The following MSRA variants were observed in gnomAD, a reference collection of about 807,000 sequenced individuals.
MSRA encodes mitochondrial peptide methionine sulfoxide reductase.
In MSRA, 54 loss-of-function variants were observed where a neutral mutation model predicts 31.3. That is an observed-to-expected ratio of 1.73 (90% CI 1.39 to 2.17). The LOEUF (loss-of-function observed/expected upper bound fraction) is 2.17, where lower values mean the gene tolerates loss of function less well. Among genes scored for constraint, MSRA ranks in the 30% most tolerant of loss-of-function variants. The pLI, the probability that MSRA is intolerant of heterozygous loss-of-function variation, is 0.00. For missense variants in MSRA, 507 were observed against 300.9 expected (o/e 1.69, Z -5.07); for synonymous variants, 169 against 116.5 (o/e 1.45, Z -2.90).
At chr8:10,111,888 T>C (rs1800316701) in intron 1 of MSRA, among the ~76,000 whole-genome samples, 1 of 152,152 alleles carries the variant, frequency 6.6e-6, no homozygotes, top group East Asian at 1.9e-4. Context: ...CGGAGGAGGA[T>C]GGTGACACTC....
intron 5 of MSRA, chr8:10,326,667 G>C (rs1468602277): frequency 6.6e-6 from 1 of 151,900 alleles, no homozygotes; most frequent in Non-Finnish European, 1.5e-5. Context: ...TCAAGGAGAA[G>C]ACTTGATAAT....
At chr8:10,317,208 G>A (rs10097184) in intron 4 of MSRA, among the ~76,000 whole-genome samples, 24,128 of 152,136 alleles carry the variant, frequency 0.16, 2,326 homozygotes, top group African/African-American at 0.26. Context: ...GATGTTCACT[G>A]TCAGCCGGTA....
chr8:10,131,748 C>A (rs1049271730), intron 1 of MSRA, among the ~76,000 whole-genome samples: 1 of 152,328 alleles, frequency 6.6e-6, no homozygotes, highest in East Asian at 1.9e-4. Flanking sequence ...CAGCCAGCCA[C>A]TGGGGACTCT....
intron 1 of MSRA, among the ~76,000 whole-genome samples, chr8:10,193,927 A>T (rs906750260): frequency 2.6e-5 from 4 of 152,220 alleles, no homozygotes; most frequent in Non-Finnish European, 5.9e-5. Context: ...GCTTCATAGT[A>T]AAAACTTGAT....
At chr8:10,096,269 G>C in intron 1 of MSRA, 1 of 1,166,206 alleles carries the variant, frequency 8.6e-7, no homozygotes, top group African/African-American at 1.6e-5. Flanking sequence ...CTGAAGACCA[G>C]AAAGGCAAGC....
chr8:10,233,685 CAG>C (rs1554499167), intron 2 of MSRA, among the ~76,000 whole-genome samples: 1 of 152,076 alleles, frequency 6.6e-6, no homozygotes, highest in Non-Finnish European at 1.5e-5. Flanking sequence ...TTAAATGACA[CAG>C]AGGATAAGTT....
chr8:10,342,273 C>T (rs78139297), intron 5 of MSRA, among the ~76,000 whole-genome samples: 2,819 of 152,040 alleles, frequency 0.019, 96 homozygotes, highest in Admixed American at 0.071. Flanking sequence ...TTGAGGACCC[C>T]AATGAGCTTT....
intron 5 of MSRA, among the ~76,000 whole-genome samples, chr8:10,421,860 A>G (rs933412108): frequency 7.2e-5 from 11 of 152,168 alleles, no homozygotes; most frequent in Non-Finnish European, 1.3e-4. Context: ...CTGCTCAGCC[A>G]TAGAAATGGG....
intron 5 of MSRA, among the ~76,000 whole-genome samples, chr8:10,384,926 G>A (rs1207289779): frequency 6.6e-6 from 1 of 152,066 alleles, no homozygotes; most frequent in African/African-American, 2.4e-5. Flanking sequence ...CACTTGAGCC[G>A]AGGAGGTTGA....
chr8:10,177,340 T>C (rs1806143445), intron 1 of MSRA, among the ~76,000 whole-genome samples: 1 of 152,194 alleles, frequency 6.6e-6, no homozygotes, highest in Non-Finnish European at 1.5e-5. Context: ...AACACACTGA[T>C]GGATATGGTG....
In MSRA at chr8:10,403,622, G is replaced by C. The variant is rs114467468; in HGVS notation, c.544-24526G>C. On this transcript the variant is annotated intron_variant, in intron 5 of 5. Transcript: ENST00000317173. ...AGCATTCCCCAACAGTCTCCAGCTT[G>C]TGCCTCGTGTGTGTCTGTGGCCCAC... Among the ~76,000 whole-genome samples the C allele has an allele frequency of 3.0e-3, 452 of 152,362 alleles. 2 individuals carry two copies. Among genetic ancestry groups the C allele is most frequent in the African/African-American group, 0.01 (432 of 41,584 alleles).
chr8:10,330,618 C>T (rs1478978073), intron 5 of MSRA, among the ~76,000 whole-genome samples: 1 of 152,180 alleles, frequency 6.6e-6, no homozygotes, highest in Non-Finnish European at 1.5e-5. Flanking sequence ...AATAAACTGT[C>T]CCACATACAG....
At chr8:10,241,500 T>G (rs998822144) in intron 2 of MSRA, among the ~76,000 whole-genome samples, 7 of 152,210 alleles carry the variant, frequency 4.6e-5, no homozygotes, top group Non-Finnish European at 8.8e-5. Flanking sequence ...TTGAAGACAC[T>G]ATGTAAATGG....
intron 1 of MSRA, among the ~76,000 whole-genome samples, chr8:10,106,225 A>C (rs1157094137): frequency 6.6e-6 from 1 of 152,184 alleles, no homozygotes; most frequent in East Asian, 1.9e-4. Flanking sequence ...TTTCTTAAGG[A>C]CAGTGGCCAT....
chr8:10,200,813 A>G (rs753122021), intron 1 of MSRA, among the ~76,000 whole-genome samples: 3 of 152,172 alleles, frequency 2.0e-5, no homozygotes, highest in African/African-American at 4.8e-5. Flanking sequence ...CTGGGCATGT[A>G]TGACTAGAGG....
intron 1 of MSRA, among the ~76,000 whole-genome samples, chr8:10,154,327 C>G (rs531293944): frequency 2.0e-5 from 3 of 152,152 alleles, no homozygotes; most frequent in Admixed American, 2.0e-4. Flanking sequence ...GGCTTCACTG[C>G]TTCAATACGA....
chr8:10,241,000 T>C (rs951060132), intron 2 of MSRA, among the ~76,000 whole-genome samples: 2 of 152,134 alleles, frequency 1.3e-5, no homozygotes, highest in Non-Finnish European at 2.9e-5. Flanking sequence ...CCTCTGGTCC[T>C]GCTTGTGCAT....
chr8:10,314,170 C>A (rs1020533621), intron 4 of MSRA, among the ~76,000 whole-genome samples: 13 of 151,892 alleles, frequency 8.6e-5, no homozygotes, highest in Admixed American at 5.9e-4. Context: ...AATCTGACAA[C>A]TTTGGTTCAT....
At chr8:10,146,602 G>A (rs1203372490) in intron 1 of MSRA, among the ~76,000 whole-genome samples, 1 of 152,188 alleles carries the variant, frequency 6.6e-6, no homozygotes, top group Non-Finnish European at 1.5e-5. Context: ...GAAATGGAAT[G>A]TGGCGGCGGT....
Sources: allele counts gnomAD v4.1 joint callset (sites outside exome capture counted in the v4.1 genomes callset), GRCh38; gene constraint gnomAD v4.1.1; transcripts MANE v1.5; gene names NCBI Gene and HGNC (gene_info 2026-07-23, HGNC 2026-07-21).